The following TSPAN7 variants were observed in gnomAD, a reference collection of about 807,000 sequenced individuals.
TSPAN7 encodes tetraspanin-7.
TSPAN7 carries 1 observed loss-of-function variant against 17.6 expected under a neutral mutation model. The ratio of observed to expected loss-of-function variants is 0.06; its 90% confidence interval spans 0.02 to 0.27. TSPAN7 has a LOEUF of 0.27. TSPAN7 is among the 10% of genes least tolerant of loss of function. The pLI is 1.00. For synonymous variants in TSPAN7, 78 were observed against 79.0 expected (o/e 0.99, Z 0.07); for missense variants, 112 against 201.7 (o/e 0.56, Z 2.69).
chrX:38,668,960 G>A (rs1243009184), intron 2 of TSPAN7, among the ~76,000 whole-genome samples: 1 of 110,282 alleles, frequency 9.1e-6, no homozygotes, highest in African/African-American at 3.3e-5. Flanking sequence ...CTAGAGACAG[G>A]GGAGGAGGGA....
At chrX:38,647,343 C>T (rs760178206) in intron 1 of TSPAN7, among the ~76,000 whole-genome samples, 1 of 112,040 alleles carries the variant, frequency 8.9e-6, no homozygotes, top group Non-Finnish European at 1.9e-5. Flanking sequence ...TCTCGAACTC[C>T]TGACCTCAGG....
intron 6 of TSPAN7, 48 bp from the exon 7 acceptor site, chrX:38,687,551 G>A: frequency 1.8e-6 from 2 of 1,118,841 alleles, no homozygotes; most frequent in South Asian, 1.9e-5. Context: ...AAAAGGGTGT[G>A]GTTCGGTGAC....
chrX:38,627,170 T>C (rs1313240346), intron 1 of TSPAN7, among the ~76,000 whole-genome samples: 2 of 111,681 alleles, frequency 1.8e-5, no homozygotes, highest in South Asian at 3.8e-4. Flanking sequence ...AGGTGCAGAA[T>C]TGGGGCATTT....
chrX:38,642,079 C>T (rs1322385820), intron 1 of TSPAN7, among the ~76,000 whole-genome samples: 1 of 112,058 alleles, frequency 8.9e-6, no homozygotes, highest in Non-Finnish European at 1.9e-5. Context: ...CTGTTTCCGG[C>T]ATGCTCTGGG....
At chrX:38,596,605 C>T (rs754880319) in intron 1 of TSPAN7, among the ~76,000 whole-genome samples, 6 of 111,298 alleles carry the variant, frequency 5.4e-5, no homozygotes, top group East Asian at 2.9e-4. Context: ...CCTTGCTACC[C>T]GAAGTCTGTG....
intron 1 of TSPAN7, among the ~76,000 whole-genome samples, chrX:38,633,546 A>G (rs2069562589): frequency 8.9e-6 from 1 of 112,763 alleles, no homozygotes; most frequent in Admixed American, 9.4e-5. Context: ...TACTTCTCCA[A>G]GTAAATCTAA....
intron 1 of TSPAN7, among the ~76,000 whole-genome samples, chrX:38,575,195 C>T (rs2069187459): frequency 1.8e-5 from 2 of 110,866 alleles, no homozygotes; most frequent in South Asian, 3.9e-4. Flanking sequence ...CAGATTCTTC[C>T]CCATTTGTAC....
chrX:38,572,332 C>T (rs763964694), intron 1 of TSPAN7, among the ~76,000 whole-genome samples: 2 of 111,287 alleles, frequency 1.8e-5, no homozygotes, highest in Non-Finnish European at 3.8e-5. Context: ...GACCTTGAAT[C>T]GTGTGAAGCT....
chrX:38,569,107 T>A (rs2069156879), intron 1 of TSPAN7, among the ~76,000 whole-genome samples: 1 of 111,350 alleles, frequency 9.0e-6, no homozygotes, highest in Non-Finnish European at 1.9e-5. Context: ...GTTTTGCTCT[T>A]TTTTCTGTAC....
chrX:38,618,549 G>A lies in TSPAN7; in HGVS notation c.82-47572G>A, dbSNP rs372960634. Among the ~76,000 whole-genome samples the A allele has an allele frequency of 9.9e-5, 11 of 111,569 alleles. No homozygotes were observed. In the East Asian group the frequency reaches 2.8e-3, roughly 28 times the overall value. On this transcript the variant is annotated intron_variant, in intron 1 of 7. Coordinates refer to ENST00000378482, the MANE Select transcript of TSPAN7 (RefSeq NM_004615.4). The stretch of plus-strand genomic sequence containing the variant: ...AGTGGGAACTTTTGTGTCTGAGAGA[G>A]AGTGGGAGAGTAAGGAGGGTTCATT...
At chrX:38,651,881 G>C (rs955415015) in intron 1 of TSPAN7, among the ~76,000 whole-genome samples, 1 of 112,208 alleles carries the variant, frequency 8.9e-6, no homozygotes, top group Non-Finnish European at 1.9e-5. Context: ...AAGTATGAAG[G>C]TTGCAACTAT....
At chrX:38,625,157 C>T in intron 1 of TSPAN7, among the ~76,000 whole-genome samples, 1 of 111,759 alleles carries the variant, frequency 8.9e-6, no homozygotes, top group Non-Finnish European at 1.9e-5. Flanking sequence ...ATTTCCCACC[C>T]TGTTGAGCTT....
Position 38,659,322 on chromosome X carries a change from G to A in TSPAN7, c.82-6799G>A, listed in dbSNP as rs776466576. 6.2e-4 allele frequency among the ~76,000 whole-genome samples: 69 copies of A among 111,816 alleles called. 1 individual carries two copies. The highest frequency in any genetic ancestry group is 1.1e-3 in the Non-Finnish European group (57 of 53,166). The stretch of plus-strand genomic sequence containing the variant: ...GACAGAACAGTGGGCTTCAGGTCCA[G>A]AAATGAGCCAACTTTCCTACCCCTG... On this transcript the variant is annotated intron_variant, in intron 1 of 7. Coordinates refer to ENST00000378482, the MANE Select transcript of TSPAN7 (RefSeq NM_004615.4).
intron 1 of TSPAN7, among the ~76,000 whole-genome samples, chrX:38,574,893 G>A (rs776708684): frequency 4.5e-5 from 5 of 110,186 alleles, no homozygotes; most frequent in Non-Finnish European, 9.5e-5. Flanking sequence ...CTGCTTGGGT[G>A]TGGGTGAGAC....
At chrX:38,646,522 T>G (rs377368102) in intron 1 of TSPAN7, among the ~76,000 whole-genome samples, 6 of 111,997 alleles carry the variant, frequency 5.4e-5, no homozygotes, top group African/African-American at 1.6e-4. Context: ...TTGGAGAAAG[T>G]GCGTTCGCAA....
intron 6 of TSPAN7, among the ~76,000 whole-genome samples, chrX:38,684,294 A>C (rs767104413): frequency 2.7e-5 from 3 of 112,196 alleles, no homozygotes; most frequent in Non-Finnish European, 5.6e-5. Flanking sequence ...GGTTGTGTCA[A>C]GCATTAAACA....
Position 38,666,219 on chromosome X carries a change from T to C in TSPAN7, c.180T>C (p.Tyr60=), listed in dbSNP as rs2069780884. 2.5e-6 allele frequency: 3 copies of C among 1,211,821 alleles called. No individual in the cohort carries two copies. Among genetic ancestry groups the C allele is most frequent in the African/African-American group, 1.7e-5 (1 of 57,815 alleles). ...CCGAGAACTCCACAAATGCTCCCTA[T>C]GTGCTCATCGGAACTGGCACCACTA... The part of the protein sequence containing the change: ...LIAENSTNAP[Y]VLIGTGTTIV... The change falls in exon 2 of 8, where the codon TAT becomes TAC. Residue 60 remains tyrosine, a synonymous_variant. Transcript: ENST00000378482.
intron 1 of TSPAN7, among the ~76,000 whole-genome samples, chrX:38,659,823 C>CTTTTTTTTTTTTTTTTTTT (rs748922281): frequency 1.6e-5 from 1 of 61,603 alleles, no homozygotes; most frequent in African/African-American, 6.4e-5. Context: ...TTTTCTTTTT[C>CTTTTTTTTTTTTTTTTTTT]TTTTTTTTTT....
intron 2 of TSPAN7, among the ~76,000 whole-genome samples, chrX:38,669,116 A>G (rs181001370): frequency 9.0e-6 from 1 of 111,653 alleles, no homozygotes; most frequent in Non-Finnish European, 1.9e-5. Flanking sequence ...TCCCACCACA[A>G]AGAAATATTT....
Sources: gnomAD v4.1 joint callset for allele counts (sites outside exome capture counted in the v4.1 genomes callset) on GRCh38, gnomAD v4.1.1 for gene constraint, MANE v1.5 for transcripts, NCBI Gene and HGNC (gene_info 2026-07-23, HGNC 2026-07-21) for gene names.